Variants in RAD51 observed in about 807,000 individuals in gnomAD.
The protein encoded by RAD51 is RAD51 recombinase, also known as DNA repair protein RAD51 homolog 1.
A neutral mutation model predicts 41.5 loss-of-function variants in RAD51; 14 were observed. That is an observed-to-expected ratio of 0.34 (90% confidence interval 0.22 to 0.53). RAD51 has a LOEUF of 0.53. RAD51 is among the 20% of genes least tolerant of loss of function. RAD51 has a pLI of 0.95. For synonymous variants in RAD51, 136 were observed against 148.6 expected, an observed-to-expected ratio of 0.92 and a Z score of 0.62; for missense variants, 234 against 422.0, an observed-to-expected ratio of 0.55 and a Z score of 3.90.
At chr15:40,704,952 G>C (rs1036618800) in intron 3 of RAD51, among the ~76,000 whole-genome samples, 16 of 152,016 alleles carry the variant, frequency 1.1e-4, no homozygotes, top group African/African-American at 3.9e-4. Flanking sequence ...ACAGAGGTGA[G>C]CCACCACACC....
chr15:40,710,311 G>C (rs1895633124), intron 5 of RAD51, among the ~76,000 whole-genome samples: 1 of 143,792 alleles, frequency 7.0e-6, no homozygotes, highest in South Asian at 2.2e-4. Context: ...AGACCAGCCT[G>C]GCCAACATGG....
intron 7 of RAD51, among the ~76,000 whole-genome samples, chr15:40,729,143 C>T (rs192688806): frequency 8.0e-4 from 122 of 152,022 alleles, no homozygotes; most frequent in African/African-American, 2.7e-3. Flanking sequence ...GAGGCCAAGG[C>T]GGGTGGATCA....
chr15:40,698,510 A>G (rs996658101), intron 1 of RAD51, among the ~76,000 whole-genome samples: 2 of 152,168 alleles, frequency 1.3e-5, no homozygotes, highest in African/African-American at 4.8e-5. Context: ...TAGATTCTAC[A>G]TATGAGTGAG....
chr15:40,717,571 G>A (rs1896052188), intron 5 of RAD51, among the ~76,000 whole-genome samples: 1 of 151,890 alleles, frequency 6.6e-6, no homozygotes, highest in Non-Finnish European at 1.5e-5. Flanking sequence ...CAGTTTTCAT[G>A]GCATTTCATT....
chr15:40,716,115 G>A (rs11858338), intron 5 of RAD51, among the ~76,000 whole-genome samples: 74,889 of 152,048 alleles, frequency 0.49, 19,281 homozygotes, highest in East Asian at 0.77. Flanking sequence ...TGCCCTAAAG[G>A]TTGGGAAAAT....
Position 40,713,994 on chromosome 15 carries a change from C to CTTTTTTTTTT in RAD51, c.436-4802_436-4793dup, listed in dbSNP as rs749995356. On this transcript the variant is annotated intron_variant, in intron 5 of 9. Coordinates refer to ENST00000267868, the MANE Select transcript of RAD51 (RefSeq NM_002875.5). ...TGTTAACTCTCCTCAGAAATAAATT[C>CTTTTTTTTTT]TTTTTTTTTTTTTTTTTTGAGATTG... 1.3e-4 allele frequency among the ~76,000 whole-genome samples: 15 copies of CTTTTTTTTTT among 114,932 alleles called. 1 individual carries two copies. Among genetic ancestry groups the CTTTTTTTTTT allele is most frequent in the African/African-American group, 4.3e-4 (13 of 30,406 alleles). The allele number at this position is 114,932 out of a possible 152,430, so 75.4% of individuals were successfully genotyped here.
At chr15:40,726,920 A>AG (rs1338705282) in intron 6 of RAD51, among the ~76,000 whole-genome samples, 1 of 151,482 alleles carries the variant, frequency 6.6e-6, no homozygotes, top group African/African-American at 2.4e-5. Context: ...CTCAAAAAAA[A>AG]AAAAAAAAGA....
At chr15:40,707,858 C>G (rs911360951) in intron 4 of RAD51, among the ~76,000 whole-genome samples, 1 of 151,926 alleles carries the variant, frequency 6.6e-6, no homozygotes, top group African/African-American at 2.4e-5. Flanking sequence ...GCTGCAATGA[C>G]AGGCACCCGC....
At chr15:40,699,045 A>T (rs981721052) in intron 2 of RAD51, among the ~76,000 whole-genome samples, 200 bp downstream of exon 2, 7 of 152,230 alleles carry the variant, frequency 4.6e-5, no homozygotes, top group African/African-American at 1.7e-4. Flanking sequence ...TCCTTTGTCA[A>T]CAATTCTCTT....
intron 2 of RAD51, among the ~76,000 whole-genome samples, chr15:40,700,262 G>T (rs1471840532): frequency 6.6e-6 from 1 of 152,168 alleles, no homozygotes; most frequent in Non-Finnish European, 1.5e-5. Flanking sequence ...GAAGAAAGAG[G>T]TGTCTTTGGG....
intron 5 of RAD51, among the ~76,000 whole-genome samples, chr15:40,713,175 C>A (rs1246564727): frequency 7.9e-5 from 12 of 151,150 alleles, no homozygotes; most frequent in Non-Finnish European, 1.6e-4. Flanking sequence ...AGCCACCGTG[C>A]CTGGCCCAAG....
intron 6 of RAD51, among the ~76,000 whole-genome samples, chr15:40,719,441 C>T (rs1465308791): frequency 1.3e-5 from 2 of 151,954 alleles, no homozygotes; most frequent in Non-Finnish European, 2.9e-5. Context: ...CAGAGAAACC[C>T]TTTAGAAAGT....
At chr15:40,728,889 T>C in intron 7 of RAD51, 65 bp downstream of exon 7, 3 of 1,345,478 alleles carry the variant, frequency 2.2e-6, no homozygotes, top group Non-Finnish European at 3.2e-6. Context: ...TTGTAATGGC[T>C]ATTTGGCCAG....
chr15:40,729,262 A>G (rs1388380594), intron 7 of RAD51, among the ~76,000 whole-genome samples: 1 of 149,472 alleles, frequency 6.7e-6, no homozygotes, highest in African/African-American at 2.5e-5. Context: ...AGTCCCAGCT[A>G]CTCCGGAGGC....
At chr15:40,719,780 C>T (rs1193518393) in intron 6 of RAD51, among the ~76,000 whole-genome samples, 1 of 151,384 alleles carries the variant, frequency 6.6e-6, no homozygotes, top group Admixed American at 6.6e-5. Context: ...TGCAGTGAGC[C>T]GAGATCGCGC....
intron 6 of RAD51, among the ~76,000 whole-genome samples, chr15:40,720,520 C>T (rs1344241877): frequency 6.6e-5 from 10 of 151,904 alleles, no homozygotes. Context: ...TAAACGGCAT[C>T]CAGATTGGAA....
chr15:40,700,503 A>G (rs1255677490), intron 2 of RAD51, among the ~76,000 whole-genome samples: 1 of 152,182 alleles, frequency 6.6e-6, no homozygotes, highest in East Asian at 1.9e-4. Flanking sequence ...ACACTGTCTT[A>G]AAGTGGTCTT....
At chr15:40,713,818 G>A (rs558355024) in intron 5 of RAD51, among the ~76,000 whole-genome samples, 4 of 151,382 alleles carry the variant, frequency 2.6e-5, no homozygotes, top group Non-Finnish European at 5.9e-5. Context: ...GTATTAGCCA[G>A]GATGGTCTCG....
chr15:40,715,346 T>C (rs193010283), intron 5 of RAD51, among the ~76,000 whole-genome samples: 8 of 146,780 alleles, frequency 5.5e-5, no homozygotes. Flanking sequence ...CAGAGTAAGA[T>C]TCTGTCTCAA....
Sources: gnomAD v4.1 joint callset for allele counts (sites outside exome capture counted in the v4.1 genomes callset) on GRCh38, gnomAD v4.1.1 for gene constraint, MANE v1.5 for transcripts, NCBI Gene and HGNC (gene_info 2026-07-23, HGNC 2026-07-21) for gene names.